The following DIAPH3 variants were observed in gnomAD, a reference collection of about 807,000 sequenced individuals.
DIAPH3 encodes protein diaphanous homolog 3.
A neutral mutation model predicts 144.3 loss-of-function variants in DIAPH3; 117 were observed. The observed-to-expected ratio is 0.81, with a 90% CI of 0.70 to 0.95. DIAPH3 has a LOEUF of 0.95. Ranked by LOEUF, DIAPH3 falls within the 40% of genes least tolerant of loss-of-function variation. DIAPH3 has a pLI of 0.00. For missense variants in DIAPH3, 1,421 were observed against 1,412.7 expected (o/e 1.01, Z -0.09); for synonymous variants, 519 against 488.9 (o/e 1.06, Z -0.81).
intron 17 of DIAPH3, among the ~76,000 whole-genome samples, chr13:59,948,820 C>T (rs903525333): frequency 6.7e-6 from 1 of 148,608 alleles, no homozygotes; most frequent in African/African-American, 2.5e-5. Context: ...CTTTCTCTGC[C>T]TTGCTTGACA....
At chr13:59,732,421 T>C (rs1028656542) in intron 27 of DIAPH3, among the ~76,000 whole-genome samples, 1 of 151,170 alleles carries the variant, frequency 6.6e-6, no homozygotes, top group Non-Finnish European at 1.5e-5. Flanking sequence ...TGTAAATTCC[T>C]TGAGGGCCTG....
intron 1 of DIAPH3, among the ~76,000 whole-genome samples, chr13:60,136,953 AT>A (rs768767405): frequency 1.4e-5 from 2 of 138,722 alleles, no homozygotes; most frequent in Admixed American, 7.1e-5. Context: ...AAAAAAAAAA[AT>A]AATAATAAAT....
At position 59,970,011 on chromosome 13, in the gene DIAPH3, A is replaced by T; in HGVS notation, c.2007T>A (p.Asn669Lys). The change falls in exon 17 of 28, where the codon AAT becomes AAA. Residue 669 changes from asparagine to lysine, a missense_variant. Coordinates refer to ENST00000400324, the MANE Select transcript of DIAPH3 (RefSeq NM_001042517.2). ...MTENCFWIKV[N>K]ENKYENVDLL... is the part of the protein sequence containing the mutation. ...AATCCACGTTTTCATACTTATTTTC[A>T]TTTACTTTTATCCAGAAACAGTTTT... 2 of 1,609,056 alleles carry T rather than the reference A, an allele frequency of 1.2e-6. No individual in the cohort carries two copies. The highest frequency in any genetic ancestry group is 1.7e-6 in the Non-Finnish European group (2 of 1,177,044).
chr13:59,758,635 G>A (rs532777605), intron 27 of DIAPH3, among the ~76,000 whole-genome samples: 2 of 152,122 alleles, frequency 1.3e-5, no homozygotes, highest in South Asian at 4.1e-4. Flanking sequence ...ATCATATAAA[G>A]TTTACATTTA....
chr13:60,042,588 T>G (rs1453105728), intron 5 of DIAPH3, 102 bp downstream of exon 5: 99 of 1,403,762 alleles, frequency 7.1e-5, no homozygotes, highest in Middle Eastern at 1.8e-4. Context: ...GTTTGTACTT[T>G]GAGAAACTGT....
intron 1 of DIAPH3, among the ~76,000 whole-genome samples, chr13:60,150,018 T>G (rs1034471686): frequency 3.9e-5 from 6 of 152,024 alleles, no homozygotes; most frequent in African/African-American, 1.4e-4. Flanking sequence ...ACAGATGTTG[T>G]TTTTCAGTTT....
At chr13:59,768,915 C>T (rs978107642) in intron 27 of DIAPH3, among the ~76,000 whole-genome samples, 46 of 151,978 alleles carry the variant, frequency 3.0e-4, no homozygotes, top group African/African-American at 1.1e-3. Context: ...TACTTGTTTG[C>T]CTAAAATTTT....
Position 59,666,636 on chromosome 13 carries a change from T to TC in DIAPH3, c.3529_3530insG (p.Asn1177ArgfsTer2). ...GGCTTCAACTTCGGGAACTGATTCATTTTTAGAAAAAGAGCCAAGAAGTTC... is the reference window on the plus strand; with the variant it reads ...GGCTTCAACTTCGGGAACTGATTCATCTTTTAGAAAAAGAGCCAAGAAGTTC... On this transcript the variant is annotated frameshift_variant, in exon 28 of 28. Transcript: ENST00000400324. LOFTEE classifies it high-confidence loss of function. 1 of 1,614,150 alleles carries TC rather than the reference T, an allele frequency of 6.2e-7. No individual in the cohort carries two copies. Among genetic ancestry groups the TC allele is most frequent in the Non-Finnish European group, 8.5e-7 (1 of 1,180,008 alleles).
rs547092395 is a variant in DIAPH3 at position 60,128,758 on chromosome 13, A to G, written c.213+4199T>C. ...TAACCATTTGTGGGTCATGAAATCA[A>G]TTTAGTGGATTCAATTACCTTTTTT... is the stretch of plus-strand genomic sequence containing the variant. On this transcript the variant is annotated intron_variant, in intron 2 of 27. Coordinates refer to ENST00000400324, the MANE Select transcript of DIAPH3 (RefSeq NM_001042517.2). Among the ~76,000 whole-genome samples, 5 of 151,684 alleles carry G rather than the reference A, an allele frequency of 3.3e-5. No homozygotes were observed. In the East Asian group the frequency reaches 9.7e-4, roughly 29 times the overall value.
intron 5 of DIAPH3, among the ~76,000 whole-genome samples, chr13:60,041,908 G>A (rs566354978): frequency 2.0e-5 from 3 of 152,134 alleles, no homozygotes; most frequent in East Asian, 3.9e-4. Flanking sequence ...CCTCTGAATA[G>A]ACTGAAATCT....
rs1555274392 is a variant in DIAPH3 at position 59,697,491 on chromosome 13, A to AAAAAAAAAAAAAAAAAAG, written c.3320-30646_3320-30645insCTTTTTTTTTTTTTTTTT. The stretch of plus-strand genomic sequence containing the variant: ...AAAAAAAAAAAAAAAAAAAAAAAAA[A>AAAAAAAAAAAAAAAAAAG]AAGAAGAGGGGATTCAACTCATATA... On this transcript the variant is annotated intron_variant, in intron 27 of 27. Transcript: ENST00000400324. Among the ~76,000 whole-genome samples the AAAAAAAAAAAAAAAAAAG allele has an allele frequency of 1.7e-4, 13 of 78,014 alleles. 2 individuals carry two copies. Among genetic ancestry groups the AAAAAAAAAAAAAAAAAAG allele is most frequent in the African/African-American group, 5.3e-4 (12 of 22,558 alleles). 51.2% of individuals were successfully genotyped at this position (78,014 alleles called of 152,430 possible). A position where few individuals can be genotyped will look rare whatever the true frequency, so the allele number is the denominator to read the frequency against.
intron 25 of DIAPH3, among the ~76,000 whole-genome samples, chr13:59,793,763 C>T (rs1488531196): frequency 1.3e-5 from 2 of 152,282 alleles, no homozygotes; most frequent in East Asian, 3.9e-4. Flanking sequence ...TTCCTGAGTT[C>T]CAACTAGGGT....
At chr13:59,910,316 G>A (rs914381508) in intron 20 of DIAPH3, among the ~76,000 whole-genome samples, 2 of 152,016 alleles carry the variant, frequency 1.3e-5, no homozygotes, top group African/African-American at 4.8e-5. Context: ...CAAGCAAGCA[G>A]GGAAATAAAG....
At chr13:59,887,007 C>G (rs1423295859) in intron 20 of DIAPH3, among the ~76,000 whole-genome samples, 1 of 152,032 alleles carries the variant, frequency 6.6e-6, no homozygotes, top group East Asian at 1.9e-4. Flanking sequence ...ATCATTCACC[C>G]TTAAGTTGAG....
intron 20 of DIAPH3, among the ~76,000 whole-genome samples, chr13:59,895,274 G>A (rs1189435646): frequency 2.6e-5 from 4 of 151,850 alleles, no homozygotes; most frequent in Admixed American, 6.6e-5. Flanking sequence ...TTCACTAAAC[G>A]GGAAAAAATC....
In DIAPH3 at chr13:59,668,805, T is replaced by C. The variant is rs148685263; in HGVS notation, c.3320-1959A>G. 8.0e-5 allele frequency among the ~76,000 whole-genome samples: 12 copies of C among 150,648 alleles called. No homozygotes were observed. In the East Asian group the frequency reaches 2.4e-3, roughly 30 times the overall value. Reference sequence around the variant, plus strand: ...AATAATGAACTTGGTAGGCAAATTATTAAAACTATATATATACACATATAT... The same window carrying C: ...AATAATGAACTTGGTAGGCAAATTACTAAAACTATATATATACACATATAT... On this transcript the variant is annotated intron_variant, in intron 27 of 27. Transcript: ENST00000400324.
intron 27 of DIAPH3, among the ~76,000 whole-genome samples, chr13:59,733,958 AC>A (rs1322616517): frequency 6.6e-6 from 1 of 152,228 alleles, no homozygotes; most frequent in Admixed American, 6.5e-5. Context: ...CATCACATAT[AC>A]ACACCCTACG....
chr13:60,140,441 T>C (rs1249222913), intron 1 of DIAPH3, among the ~76,000 whole-genome samples: 3 of 152,178 alleles, frequency 2.0e-5, no homozygotes, highest in East Asian at 1.9e-4. Flanking sequence ...TCCCCAAACA[T>C]AGGAAAGATT....
intron 15 of DIAPH3, 131 bp downstream of exon 15, chr13:59,974,221 G>A (rs1198228863): frequency 4.0e-6 from 3 of 745,290 alleles, no homozygotes; most frequent in Non-Finnish European, 6.8e-6. Context: ...GCAAAACACA[G>A]TACAAATAAT....
Sources: gnomAD v4.1 joint callset for allele counts (sites outside exome capture counted in the v4.1 genomes callset) on GRCh38, gnomAD v4.1.1 for gene constraint, MANE v1.5 for transcripts, NCBI Gene and HGNC (gene_info 2026-07-23, HGNC 2026-07-21) for gene names.